Variants in FOXJ3 observed in about 807,000 individuals in gnomAD.
The protein encoded by FOXJ3 is forkhead box protein J3.
In FOXJ3, 22 loss-of-function variants were observed where a neutral mutation model predicts 76.1. The observed-to-expected ratio is 0.29, with a 90% confidence interval of 0.21 to 0.41. The LOEUF is 0.41. Among genes scored for constraint, FOXJ3 ranks in the 10% least tolerant of loss-of-function variants. FOXJ3 has a pLI of 1.00. For missense variants in FOXJ3, 613 were observed against 762.1 expected, an observed-to-expected ratio of 0.80 and a Z score of 2.30; for synonymous variants, 269 against 261.2, an observed-to-expected ratio of 1.03 and a Z score of -0.29.
At chr1:42,283,511 C>T (rs1374251755) in intron 2 of FOXJ3, among the ~76,000 whole-genome samples, 6 of 151,660 alleles carry the variant, frequency 4.0e-5, no homozygotes, top group South Asian at 2.1e-4. Flanking sequence ...AAGTTTCAAC[C>T]GTATCAAAAA....
chr1:42,224,314 G>C (rs1647372443), intron 5 of FOXJ3, among the ~76,000 whole-genome samples: 1 of 152,172 alleles, frequency 6.6e-6, no homozygotes, highest in Non-Finnish European at 1.5e-5. Flanking sequence ...AGGAAAAGGA[G>C]ATTTATAAAC....
At chr1:42,198,887 A>C (rs1268706546) in intron 7 of FOXJ3, among the ~76,000 whole-genome samples, 2 of 152,240 alleles carry the variant, frequency 1.3e-5, no homozygotes, top group Admixed American at 1.3e-4. Flanking sequence ...AAATCTGTTA[A>C]CACTGCACAA....
intron 9 of FOXJ3, 58 bp from the exon 10 acceptor site, chr1:42,189,462 G>T: frequency 8.0e-7 from 1 of 1,250,830 alleles, no homozygotes; most frequent in Non-Finnish European, 1.2e-6. Context: ...AGTGTGGTAA[G>T]GGAAAACGAT....
chr1:42,176,595 G>A lies in FOXJ3; in HGVS notation c.*3115C>T, dbSNP rs1646219337. ...TTTTAAGTGCCATTCATGCATATCAGTTCTGGCAGCAACAATCCTAATGAC... is the reference window on the plus strand; with the variant it reads ...TTTTAAGTGCCATTCATGCATATCAATTCTGGCAGCAACAATCCTAATGAC... On this transcript the variant is annotated 3_prime_UTR_variant, in exon 13 of 13. Transcript: ENST00000361346. The A allele has an allele frequency of 6.6e-6, 1 of 152,594 alleles. No homozygotes were observed. Among genetic ancestry groups the A allele is most frequent in the African/African-American group, 2.4e-5 (1 of 41,422 alleles). 9.5% of individuals were successfully genotyped at this position (152,594 alleles called of 1,614,324 possible). A position where few individuals can be genotyped will look rare whatever the true frequency, so the allele number is the denominator to read the frequency against.
intron 4 of FOXJ3, among the ~76,000 whole-genome samples, chr1:42,229,705 G>T (rs1177921384): frequency 6.6e-6 from 1 of 152,148 alleles, no homozygotes; most frequent in African/African-American, 2.4e-5. Flanking sequence ...AAATGCAGAT[G>T]CTACAAAAAG....
chr1:42,198,348 T>C (rs1253776257), intron 7 of FOXJ3, among the ~76,000 whole-genome samples: 1 of 152,240 alleles, frequency 6.6e-6, no homozygotes, highest in African/African-American at 2.4e-5. Flanking sequence ...CCGTGTGTTA[T>C]TTTCTTTCGG....
rs567736770 is a variant in FOXJ3 at position 42,281,613 on chromosome 1, T to C, written c.45-2941A>G. 5.8e-4 allele frequency among the ~76,000 whole-genome samples: 88 copies of C among 152,334 alleles called. 2 individuals carry two copies. The South Asian group carries it at 0.017, about 29-fold the overall frequency. ...GTGGGGCTTCTGTTCTGTTTGCAAT[T>C]TCTTAAATTTTATATACAGCATTCT... On this transcript the variant is annotated intron_variant, in intron 2 of 12. Transcript: ENST00000361346.
chr1:42,307,348 G>A (rs988492866), intron 2 of FOXJ3, among the ~76,000 whole-genome samples: 5 of 152,178 alleles, frequency 3.3e-5, no homozygotes, highest in Non-Finnish European at 5.9e-5. Context: ...CTTCTCAGAG[G>A]TCTAAGTGTC....
At position 42,178,017 on chromosome 1, in the gene FOXJ3, C is replaced by T. The variant is rs1379937648; in HGVS notation, c.*1693G>A. On this transcript the variant is annotated 3_prime_UTR_variant, in exon 13 of 13. Coordinates refer to ENST00000361346, the MANE Select transcript of FOXJ3 (RefSeq NM_014947.5). Reference sequence around the variant, plus strand: ...CTAAAGAATCAATTCAAAATCTATTCATTAAAAAAAAACCCTCATTTCTTC... The same window carrying T: ...CTAAAGAATCAATTCAAAATCTATTTATTAAAAAAAAACCCTCATTTCTTC... 6.6e-6 allele frequency: 1 copy of T among 151,228 alleles called. No individual in the cohort carries two copies. Among genetic ancestry groups the T allele is most frequent in the Non-Finnish European group, 1.5e-5 (1 of 67,836 alleles). 9.4% of individuals were successfully genotyped at this position (151,228 alleles called of 1,614,324 possible). A position where few individuals can be genotyped will look rare whatever the true frequency, so the allele number is the denominator to read the frequency against.
intron 1 of FOXJ3, chr1:42,323,766 T>C: frequency 1.3e-6 from 1 of 780,036 alleles, no homozygotes; most frequent in Non-Finnish European, 1.6e-6. Context: ...CACCTTCAAA[T>C]AATTGAAGGA....
intron 1 of FOXJ3, among the ~76,000 whole-genome samples, chr1:42,312,143 T>C (rs1304656299): frequency 1.3e-5 from 2 of 152,162 alleles, no homozygotes; most frequent in African/African-American, 4.8e-5. Context: ...AGGAGTATTA[T>C]AGACCCAGCA....
At chr1:42,269,123 G>A (rs964976922) in intron 3 of FOXJ3, among the ~76,000 whole-genome samples, 6 of 152,036 alleles carry the variant, frequency 3.9e-5, no homozygotes, top group African/African-American at 1.4e-4. Context: ...GAACTAAGAT[G>A]TATATAGTAA....
In FOXJ3 at chr1:42,191,323, T is replaced by C. The variant is rs759670606; in HGVS notation, c.1331A>G (p.Gln444Arg). The C allele has an allele frequency of 6.6e-5, 102 of 1,546,548 alleles. No individual in the cohort carries two copies. Among genetic ancestry groups the C allele is most frequent in the Non-Finnish European group, 8.8e-5 (101 of 1,141,634 alleles). The part of the protein sequence containing the change: ...TLTHQAPPPP[Q>R]QVSCNSGVSN... The stretch of plus-strand genomic sequence containing the variant: ...CTTACCAGAATTACAGGATACCTGT[T>C]GTGGGGGTGGGGGTGCCTGATGTGT... The change falls in exon 9 of 13, where the codon CAA becomes CGA. Residue 444 changes from glutamine to arginine, a missense_variant. Gln to Arg is a conservative substitution (Grantham distance 43). This residue lies in a region of FOXJ3 where 526 missense variants were observed against 601.4 expected (regional missense o/e 0.87). Transcript: ENST00000361346.
Position 42,191,415 on chromosome 1 carries a change from A to T in FOXJ3, c.1239T>A (p.Pro413=). ...GATGTGGAGAGGGATGCTGGGGGTGAGGGGACTGGAGCTGGCTGTGTTGCT... is the reference window on the plus strand; with the variant it reads ...GATGTGGAGAGGGATGCTGGGGGTGTGGGGACTGGAGCTGGCTGTGTTGCT... The part of the protein sequence containing the change: ...HPQQHSQLQS[P]HPQHPSPHQH... Residue 413 remains proline (P), a synonymous_variant, in exon 9 of 13, where the codon CCT becomes CCA. Transcript: ENST00000361346. The T allele has an allele frequency of 6.2e-7, 1 of 1,609,616 alleles. No individual in the cohort carries two copies. Among genetic ancestry groups the T allele is most frequent in the East Asian group, 2.2e-5 (1 of 44,840 alleles).
intron 4 of FOXJ3, among the ~76,000 whole-genome samples, chr1:42,237,407 T>TAC (rs1288342009): frequency 0.059 from 747 of 12,650 alleles, 5 homozygotes; most frequent in African/African-American, 0.12. Context: ...CATACATACA[T>TAC]ATATATATAT....
At chr1:42,280,208 A>G in intron 2 of FOXJ3, 1 of 524,370 alleles carries the variant, frequency 1.9e-6, no homozygotes, top group Non-Finnish European at 2.5e-6. Flanking sequence ...GTATCTTGGG[A>G]GGGCACCAAT....
chr1:42,195,412 A>G (rs1217404378), intron 7 of FOXJ3, among the ~76,000 whole-genome samples: 1 of 152,184 alleles, frequency 6.6e-6, no homozygotes, highest in Admixed American at 6.5e-5. Context: ...TACATAAGGT[A>G]TTTTATCTCA....
chr1:42,236,841 T>C (rs993966846), intron 4 of FOXJ3, among the ~76,000 whole-genome samples: 6 of 152,236 alleles, frequency 3.9e-5, no homozygotes, highest in South Asian at 4.1e-4. Flanking sequence ...TTTTCAATTA[T>C]ACCCTCTCTA....
rs1010234143 is a variant in FOXJ3 at position 42,254,731 on chromosome 1, G to A, written c.444+10384C>T. Among the ~76,000 whole-genome samples the A allele has an allele frequency of 7.6e-4, 113 of 148,098 alleles. 1 individual carries two copies. Among genetic ancestry groups the A allele is most frequent in the Non-Finnish European group, 1.4e-3 (96 of 67,392 alleles). On this transcript the variant is annotated intron_variant, in intron 4 of 12. Transcript: ENST00000361346. ...TCGCAAGGACAAAAAACCAAACACC[G>A]CATGTTCTCACTCATAGATGGGAAT...
Sources: allele counts gnomAD v4.1 joint callset (sites outside exome capture counted in the v4.1 genomes callset), GRCh38; gene constraint gnomAD v4.1.1; regional missense constraint gnomAD v4.1.1; transcripts MANE v1.5; gene names NCBI Gene and HGNC (gene_info 2026-07-23, HGNC 2026-07-21).